GRAP2: variants seen among roughly 807,000 people sequenced by gnomAD.
GRAP2 encodes GRB2-related adapter protein 2.
Under a neutral mutation model 43.5 loss-of-function variants are expected in GRAP2, and 31 were observed. The ratio of observed to expected loss-of-function variants is 0.71; its 90% CI spans 0.54 to 0.96. The LOEUF (loss-of-function observed/expected upper bound fraction) is 0.96. Among genes scored for constraint, GRAP2 ranks in the 40% least tolerant of loss-of-function variants. GRAP2 has a pLI of 0.00. For synonymous variants in GRAP2, 156 were observed against 164.8 expected (o/e 0.95, Z 0.41); for missense variants, 371 against 424.4 (o/e 0.87, Z 1.11).
At chr22:39,917,896 A>G (rs574974101) in intron 1 of GRAP2, among the ~76,000 whole-genome samples, 28 of 152,340 alleles carry the variant, frequency 1.8e-4, no homozygotes, top group African/African-American at 6.5e-4. Context: ...CTGTTTAAAA[A>G]ATGAAGACAA....
chr22:39,965,611 T>A (rs2067163936), intron 4 of GRAP2, among the ~76,000 whole-genome samples: 1 of 152,234 alleles, frequency 6.6e-6, no homozygotes, highest in African/African-American at 2.4e-5. Flanking sequence ...AACAGAAAGA[T>A]AATAGGAGCT....
chr22:39,894,001 C>T, the GRAP2 span: 3 of 149,048 alleles, frequency 2.0e-5, no homozygotes, highest in Admixed American at 2.0e-4. Flanking sequence ...TAATCAGACA[C>T]TAGCATTTAT....
rs1334013258 is a variant in GRAP2, at chr22:39,973,071, G to A, written c.*1987G>A. On this transcript the variant is annotated 3_prime_UTR_variant, in exon 8 of 8. Coordinates refer to ENST00000344138, the MANE Select transcript of GRAP2 (RefSeq NM_004810.4). The stretch of plus-strand genomic sequence containing the variant: ...AAGAAGCATAAGGAAAAGAACAGGA[G>A]AAAGAACAAAGGCAGAGAAGACCTC... 3 of 152,704 alleles carry A rather than the reference G, an allele frequency of 2.0e-5. No homozygotes were observed. The highest frequency in any genetic ancestry group is 4.4e-5 in the Non-Finnish European group (3 of 68,152). The allele number at this position is 152,704 out of a possible 1,614,324, so 9.5% of individuals were successfully genotyped here.
At chr22:39,957,157 G>A (rs151245209) in intron 3 of GRAP2, among the ~76,000 whole-genome samples, 3 of 152,318 alleles carry the variant, frequency 2.0e-5, no homozygotes, top group Non-Finnish European at 2.9e-5. Flanking sequence ...GCAAAAGCTT[G>A]TTAGAAAACC....
chr22:39,955,952 A>T, intron 3 of GRAP2, 42 bp downstream of exon 3: 1 of 880,084 alleles, frequency 1.1e-6, no homozygotes, highest in Middle Eastern at 2.2e-4. Context: ...AGCCACACAC[A>T]CTCCTCTTAC....
Position 39,966,992 on chromosome 22 carries a change from ACACT to A in GRAP2, c.459+838_459+841del, listed in dbSNP as rs540159062. On this transcript the variant is annotated intron_variant, in intron 5 of 7. Coordinates refer to ENST00000344138, the MANE Select transcript of GRAP2 (RefSeq NM_004810.4). The stretch of plus-strand genomic sequence containing the variant: ...CCCATAAGTAAATTCACACATGCAC[ACACT>A]CACACACACACACACACACCAATTT... 5.8e-3 allele frequency among the ~76,000 whole-genome samples: 338 copies of A among 57,810 alleles called. 1 individual carries two copies. The highest frequency in any genetic ancestry group is 8.4e-3 in the Non-Finnish European group (236 of 27,976). 37.9% of individuals were successfully genotyped at this position (57,810 alleles called of 152,430 possible).
intron 1 of GRAP2, among the ~76,000 whole-genome samples, chr22:39,907,880 G>A (rs1432274026): frequency 7.2e-5 from 11 of 152,214 alleles, no homozygotes; most frequent in Admixed American, 6.5e-4. Context: ...TCCGGGACTT[G>A]CTCAAGGTAA....
chr22:39,960,832 A>G (rs988520400), intron 4 of GRAP2: 4 of 152,066 alleles, frequency 2.6e-5, no homozygotes, highest in Non-Finnish European at 4.4e-5. Flanking sequence ...AAAGCCGTCT[A>G]TTTTTATGCT....
chr22:39,956,616 A>C (rs901792255), intron 3 of GRAP2, among the ~76,000 whole-genome samples: 2 of 151,506 alleles, frequency 1.3e-5, no homozygotes, highest in East Asian at 2.1e-4. Context: ...TTACAGGTGC[A>C]TGCCACCACA....
intron 2 of GRAP2, among the ~76,000 whole-genome samples, chr22:39,954,024 A>G (rs1045591806): frequency 2.4e-4 from 36 of 152,222 alleles, no homozygotes; most frequent in Non-Finnish European, 2.9e-5. Context: ...ACCTGGAGGC[A>G]TTTCATTCCC....
chr22:39,926,619 C>G, intron 1 of GRAP2: 20 of 985,230 alleles, frequency 2.0e-5, no homozygotes, highest in Non-Finnish European at 2.4e-5. Context: ...CTATGCTGGA[C>G]CGGTTCGTGT....
chr22:39,916,711 C>G (rs529622064), intron 1 of GRAP2, among the ~76,000 whole-genome samples: 1 of 152,212 alleles, frequency 6.6e-6, no homozygotes, highest in Non-Finnish European at 1.5e-5. Flanking sequence ...ACATTGCACC[C>G]TTACTGAAAG....
intron 1 of GRAP2, among the ~76,000 whole-genome samples, chr22:39,904,508 C>T (rs558332027): frequency 7.2e-5 from 11 of 152,270 alleles, no homozygotes; most frequent in African/African-American, 2.4e-4. Context: ...AACTCTTTGC[C>T]GTATTTGCTC....
At chr22:39,955,770 T>C (rs1286774036) in intron 2 of GRAP2, 49 bp from the exon 3 acceptor site, 1 of 923,628 alleles carries the variant, frequency 1.1e-6, no homozygotes, top group African/African-American at 1.6e-5. Flanking sequence ...CTCTTGTTTT[T>C]TTGGTGTCCT....
chr22:39,960,449 C>T (rs995218865), intron 4 of GRAP2: 2 of 411,556 alleles, frequency 4.9e-6, no homozygotes, highest in Non-Finnish European at 9.0e-6. Flanking sequence ...GCAGGATTTT[C>T]CTCTACTTCA....
intron 1 of GRAP2, among the ~76,000 whole-genome samples, chr22:39,941,731 G>A (rs994133784): frequency 5.3e-5 from 8 of 152,104 alleles, no homozygotes; most frequent in Admixed American, 2.6e-4. Flanking sequence ...ACAAAAACAC[G>A]GCGAGTCATT....
chr22:39,929,534 A>T (rs2066736467), intron 1 of GRAP2, among the ~76,000 whole-genome samples: 1 of 152,084 alleles, frequency 6.6e-6, no homozygotes, highest in Non-Finnish European at 1.5e-5. Context: ...TACCTATACA[A>T]ACTTACCTTC....
At chr22:39,965,672 G>A (rs576018213) in intron 4 of GRAP2, among the ~76,000 whole-genome samples, 156 of 152,320 alleles carry the variant, frequency 1.0e-3, no homozygotes, top group Middle Eastern at 3.4e-3. Flanking sequence ...AAAGGTCTTT[G>A]ATCTCTTTGT....
chr22:39,953,133 C>T (rs992539677), intron 2 of GRAP2, among the ~76,000 whole-genome samples: 1 of 152,102 alleles, frequency 6.6e-6, no homozygotes, highest in Admixed American at 6.6e-5. Flanking sequence ...GCCCAAGGGC[C>T]CTGTGACTTC....
Sources: allele counts gnomAD v4.1 joint callset (sites outside exome capture counted in the v4.1 genomes callset), GRCh38; gene constraint gnomAD v4.1.1; transcripts MANE v1.5; gene names NCBI Gene and HGNC (gene_info 2026-07-23, HGNC 2026-07-21).